DEF8: variants seen among roughly 807,000 people sequenced by gnomAD.
The protein encoded by DEF8 is differentially expressed in FDCP 8 homolog, also known as DEF-8.
A neutral mutation model predicts 59.1 loss-of-function variants in DEF8; 38 were observed. The observed-to-expected ratio is 0.64, with a 90% CI of 0.50 to 0.84. DEF8 has a LOEUF of 0.84. Among genes scored for constraint, DEF8 ranks in the 40% least tolerant of loss-of-function variants. The pLI is 0.00. For synonymous variants in DEF8, 265 were observed against 250.1 expected (o/e 1.06, Z -0.56); for missense variants, 557 against 615.2 (o/e 0.91, Z 1.00).
In DEF8 at chr16:89,961,007, A is replaced by T. The variant is rs752836955; in HGVS notation, c.591A>T (p.Gln197His). The change falls in exon 7 of 13, where the codon CAA becomes CAT. Residue 197 changes from glutamine to histidine, a missense_variant. Transcript: ENST00000563594. The part of the protein sequence containing the change: ...KPCVSSKVSH[Q>H]AEYELNICPE... ...GTGTGAGCTCCAAAGTCAGCCACCA[A>T]GCTGAATACGAACTGAACATCTGCC... 2 of 1,614,184 alleles carry T rather than the reference A, an allele frequency of 1.2e-6. No homozygotes were observed. Among genetic ancestry groups the T allele is most frequent in the Admixed American group, 3.3e-5 (2 of 60,022 alleles).
Position 89,949,631 on chromosome 16 carries a change from G to A in DEF8, c.-11+118G>A, listed in dbSNP as rs1232298111. ...TGGTCACGCCGCGGGCAGGACGCGG[G>A]AGGCCAGGTCCGTGCATCCCGCGTG... On this transcript the variant is annotated intron_variant, in intron 2 of 12. Transcript: ENST00000563594. The A allele has an allele frequency of 1.2e-6, 2 of 1,611,882 alleles. No individual in the cohort carries two copies. Among genetic ancestry groups the A allele is most frequent in the Admixed American group, 1.7e-5 (1 of 59,890 alleles).
intron 5 of DEF8, chr16:89,958,595 T>TGG: frequency 3.6e-5 from 7 of 192,608 alleles, no homozygotes; most frequent in South Asian, 1.8e-4. Flanking sequence ...ATGTGTTCGT[T>TGG]TCCTCACGTA....
intron 2 of DEF8, chr16:89,949,768 G>C: frequency 5.5e-6 from 5 of 913,208 alleles, no homozygotes; most frequent in Non-Finnish European, 8.0e-6. Flanking sequence ...GTGGGCTCTA[G>C]AGGAGGGGCA....
rs532306299 is a variant in DEF8, at chr16:89,963,577, G to C, written c.1002+134G>C. The C allele has an allele frequency of 2.3e-5, 15 of 661,328 alleles. No homozygotes were observed. In the East Asian group the frequency reaches 2.8e-4, roughly 12 times the overall value. 41.0% of individuals were successfully genotyped at this position (661,328 alleles called of 1,614,324 possible). ...GAGGGTCGCCTCACCACGGTCCCAA[G>C]GAACAAAGCAAACAGGTGTTCTGCC... On this transcript the variant is annotated intron_variant, in intron 10 of 12. Transcript: ENST00000563594.
intron 4 of DEF8, 85 bp from the exon 5 acceptor site, chr16:89,957,426 C>T (rs2033384604): frequency 1.4e-6 from 2 of 1,440,838 alleles, no homozygotes; most frequent in Non-Finnish European, 1.9e-6. Flanking sequence ...TCGGGGTCTG[C>T]TCTGGGCCTG....
At chr16:89,951,927 G>T (rs1236349325) in intron 2 of DEF8, among the ~76,000 whole-genome samples, 1 of 151,662 alleles carries the variant, frequency 6.6e-6, no homozygotes, top group African/African-American at 2.4e-5. Flanking sequence ...GCCCAGGCTG[G>T]AGTGCAGTGG....
intron 10 of DEF8, chr16:89,963,725 T>C (rs934474402): frequency 1.9e-6 from 1 of 520,006 alleles, no homozygotes; most frequent in African/African-American, 1.9e-5. Context: ...GTTTTCAAGG[T>C]TCATCTAATT....
Position 89,957,675 on chromosome 16 carries a change from G to A in DEF8, c.372+15G>A, listed in dbSNP as rs1259490472. On this transcript the variant is annotated intron_variant, in intron 5 of 12. Coordinates refer to ENST00000563594, the MANE Select transcript of DEF8 (RefSeq NM_001242818.2). ...AGGAGCTGAAGGTGGGTGTGGGGCCGCCCCGCCGTGGGGCAGCCTGGGGCC... is the reference window on the plus strand; with the variant it reads ...AGGAGCTGAAGGTGGGTGTGGGGCCACCCCGCCGTGGGGCAGCCTGGGGCC... The A allele has an allele frequency of 2.0e-6, 3 of 1,533,936 alleles. No homozygotes were observed. Among genetic ancestry groups the A allele is most frequent in the South Asian group, 1.2e-5 (1 of 81,448 alleles).
intron 6 of DEF8, among the ~76,000 whole-genome samples, chr16:89,959,788 C>T (rs1486172029): frequency 1.3e-5 from 2 of 152,256 alleles, no homozygotes; most frequent in East Asian, 1.9e-4. Flanking sequence ...TGAGCCACCA[C>T]GCCCAGCCGG....
chr16:89,963,508 C>A, intron 10 of DEF8, 65 bp downstream of exon 10: 1 of 1,459,790 alleles, frequency 6.9e-7, no homozygotes, highest in Admixed American at 1.8e-5. Flanking sequence ...GCACCTCAGG[C>A]TCAGGTTTTT....
In DEF8 at chr16:89,954,953, G is replaced by C. The variant is rs1017594205; in HGVS notation, c.125-216G>C. ...GAGTGTCATTCCACCTCCTCATTTTGAGTGGCTCTTTCCTGTCTACACAAG... is the reference window on the plus strand; with the variant it reads ...GAGTGTCATTCCACCTCCTCATTTTCAGTGGCTCTTTCCTGTCTACACAAG... On this transcript the variant is annotated intron_variant, in intron 3 of 12. Coordinates refer to ENST00000563594, the MANE Select transcript of DEF8 (RefSeq NM_001242818.2). This position sits in a 1 kb window ranked among gnomAD's most constrained non-coding sequence, Gnocchi z 4.3. 2.6e-5 allele frequency among the ~76,000 whole-genome samples: 4 copies of C among 152,124 alleles called. No individual in the cohort carries two copies. The highest frequency in any genetic ancestry group is 9.7e-5 in the African/African-American group (4 of 41,400).
chr16:89,957,392 G>A (rs922099435), intron 4 of DEF8, 119 bp from the exon 5 acceptor site: 35 of 1,182,548 alleles, frequency 3.0e-5, no homozygotes, highest in Non-Finnish European at 3.9e-5. Context: ...TCTGGGTTGA[G>A]TTTCCTTCTC....
At chr16:89,959,188 G>C (rs772545474) in intron 6 of DEF8, 33 bp downstream of exon 6, 125 of 1,613,428 alleles carry the variant, frequency 7.7e-5, no homozygotes, top group Non-Finnish European at 1.0e-4. Context: ...AGTGAGGAAT[G>C]AGAGAGACCA....
Position 89,967,263 on chromosome 16 carries a change from G to A in DEF8, c.*1300G>A, listed in dbSNP as rs1191416760. The A allele has an allele frequency of 2.5e-6, 1 of 398,534 alleles. No homozygotes were observed. Among genetic ancestry groups the A allele is most frequent in the African/African-American group, 2.1e-5 (1 of 48,610 alleles). The allele number at this position is 398,534 out of a possible 1,614,324, so 24.7% of individuals were successfully genotyped here. ...ACACGGTGGGCAGAGGGCAGAGAAT[G>A]CCACTGCTTGGTTATTGGTCCCCTT... On this transcript the variant is annotated 3_prime_UTR_variant, in exon 13 of 13. Coordinates refer to ENST00000563594, the MANE Select transcript of DEF8 (RefSeq NM_001242818.2).
At chr16:89,964,986 AT>A (rs112881095) in intron 12 of DEF8, among the ~76,000 whole-genome samples, 3,340 of 152,186 alleles carry the variant, frequency 0.022, 131 homozygotes, top group African/African-American at 0.077. Flanking sequence ...TGTCTCAGTA[AT>A]TTTTTCAAAG....
At chr16:89,955,899 C>T (rs956761493) in intron 4 of DEF8, among the ~76,000 whole-genome samples, 1 of 151,176 alleles carries the variant, frequency 6.6e-6, no homozygotes, top group African/African-American at 2.4e-5. Context: ...GGTGAAACCC[C>T]GTCTCTACTA....
At chr16:89,963,231 A>G (rs1165389441) in intron 9 of DEF8, 132 bp from the exon 10 acceptor site, 5 of 652,588 alleles carry the variant, frequency 7.7e-6, no homozygotes, top group South Asian at 2.0e-5. Flanking sequence ...GTTTTGGTGA[A>G]GCACTCAGAT....
Position 89,961,867 on chromosome 16 carries a change from G to A in DEF8, c.807+3G>A. On this transcript the variant is annotated splice_donor_region_variant and intron_variant, in intron 8 of 12. Coordinates refer to ENST00000563594, the MANE Select transcript of DEF8 (RefSeq NM_001242818.2). ...ACTGGGACTTTGAGCCTCGAAAGGT[G>A]GGGGTTGGAAGGTGGGGGCATCCCC... The A allele has an allele frequency of 6.3e-7, 1 of 1,599,488 alleles. No individual in the cohort carries two copies. Among genetic ancestry groups the A allele is most frequent in the Non-Finnish European group, 8.5e-7 (1 of 1,170,892 alleles).
In DEF8 at chr16:89,957,086, C is replaced by A. The variant is rs879548474; in HGVS notation, c.223-425C>A. On this transcript the variant is annotated intron_variant, in intron 4 of 12. Coordinates refer to ENST00000563594, the MANE Select transcript of DEF8 (RefSeq NM_001242818.2). ...GCAACCAGAAGTGCTGGGGCTGGCT[C>A]TCGGCATGTGCTTGGGCTTGGCAGT... Among the ~76,000 whole-genome samples, 4 of 152,246 alleles carry A rather than the reference C, an allele frequency of 2.6e-5. No homozygotes were observed. In the East Asian group the frequency reaches 7.7e-4, roughly 29 times the overall value.
Sources: allele counts gnomAD v4.1 joint callset (sites outside exome capture counted in the v4.1 genomes callset), GRCh38; gene constraint gnomAD v4.1.1; non-coding constraint Gnocchi (gnomAD v3.1); transcripts MANE v1.5; gene names NCBI Gene and HGNC (gene_info 2026-07-23, HGNC 2026-07-21).